Variants in MYO5C observed in about 807,000 individuals in gnomAD.
MYO5C encodes the protein myosin VC.
Under a neutral mutation model 235.7 loss-of-function variants are expected in MYO5C, and 194 were observed. That is an observed-to-expected ratio of 0.82 (90% CI 0.73 to 0.93). The LOEUF is 0.93. MYO5C is among the 40% of genes least tolerant of loss of function. The pLI, the probability that MYO5C is intolerant of heterozygous loss-of-function variation, is 0.00. For synonymous variants in MYO5C, 707 were observed against 754.8 expected, an observed-to-expected ratio of 0.94 and a Z score of 1.04; for missense variants, 2,038 against 2,127.2, an observed-to-expected ratio of 0.96 and a Z score of 0.82.
intron 38 of MYO5C, among the ~76,000 whole-genome samples, chr15:52,197,160 C>G (rs1170835592): frequency 6.6e-6 from 1 of 152,220 alleles, no homozygotes; most frequent in African/African-American, 2.4e-5. Context: ...GAAGTGAAAG[C>G]ATGTCCAAAC....
chr15:52,277,738 G>A (rs2037082834), intron 4 of MYO5C: 3 of 416,964 alleles, frequency 7.2e-6, no homozygotes, highest in African/African-American at 2.0e-5. Flanking sequence ...CCCACCCCAG[G>A]GACAGGGAGC....
In MYO5C at chr15:52,256,621, G is replaced by A. The variant is rs566620520; in HGVS notation, c.1395+18C>T. 21 of 1,551,946 alleles carry A rather than the reference G, an allele frequency of 1.4e-5. No homozygotes were observed. The highest frequency in any genetic ancestry group is 5.2e-5 in the Admixed American group (3 of 58,170). ...CGCGCGGCTGAGAACTAGTCAAGAA[G>A]GCAGAAAGGTCACCTACCATGTTAA... On this transcript the variant is annotated intron_variant, in intron 11 of 40. Coordinates refer to ENST00000261839, the MANE Select transcript of MYO5C (RefSeq NM_018728.4).
intron 37 of MYO5C, 30 bp downstream of exon 37, chr15:52,205,786 A>G: frequency 7.3e-7 from 1 of 1,374,020 alleles, no homozygotes; most frequent in Non-Finnish European, 1.0e-6. Context: ...GTTACTATAA[A>G]TATTTTTTGG....
chr15:52,202,887 A>G (rs2035220021), intron 38 of MYO5C, among the ~76,000 whole-genome samples: 1 of 151,522 alleles, frequency 6.6e-6, no homozygotes, highest in Admixed American at 6.6e-5. Flanking sequence ...CTGGGTACAT[A>G]GTAGGTATAT....
chr15:52,214,740 A>ATTTTT (rs34638854), intron 32 of MYO5C, 50 bp from the exon 33 acceptor site: 30 of 982,152 alleles, frequency 3.1e-5, no homozygotes, highest in South Asian at 1.3e-4. Context: ...ACTTTAATCT[A>ATTTTT]TTTTTTTTTT....
At chr15:52,225,333 A>G in intron 26 of MYO5C, 106 bp downstream of exon 26, 2 of 1,132,930 alleles carry the variant, frequency 1.8e-6, no homozygotes, top group Non-Finnish European at 2.7e-6. Flanking sequence ...GCAATCTACC[A>G]TATGTCCAAC....
chr15:52,289,744 G>A (rs917106076), intron 1 of MYO5C, among the ~76,000 whole-genome samples: 13 of 152,124 alleles, frequency 8.5e-5, no homozygotes, highest in Non-Finnish European at 1.5e-4. Flanking sequence ...GGTGGGGCCC[G>A]GCAAGAGAAA....
chr15:52,249,427 T>C (rs969258686), intron 13 of MYO5C, among the ~76,000 whole-genome samples: 1 of 152,168 alleles, frequency 6.6e-6, no homozygotes, highest in African/African-American at 2.4e-5. Flanking sequence ...GGATTGCATA[T>C]CTTAATATGT....
chr15:52,285,687 T>G (rs186275767), intron 1 of MYO5C, among the ~76,000 whole-genome samples: 5 of 152,338 alleles, frequency 3.3e-5, no homozygotes, highest in Admixed American at 3.3e-4. Context: ...GCCGGGCTGG[T>G]CTCCAGCTCC....
rs772709783 is a variant in MYO5C at position 52,218,529 on chromosome 15, A to G, written c.3944T>C (p.Leu1315Ser). The G allele has an allele frequency of 1.2e-6, 2 of 1,614,190 alleles. No homozygotes were observed. Among genetic ancestry groups the G allele is most frequent in the South Asian group, 2.2e-5 (2 of 91,078 alleles). ...TAGAAGACTTCTCACCCTGTTTTCC[A>G]AAGTGAGCCGGGATGCTTCCTGCCG... ...NFRQEASRLT[L>S]ENRDLEEELD... Residue 1315 changes from leucine (L) to serine (S), a missense_variant, in exon 32 of 41, where the codon TTG becomes TCG. Leu to Ser is a moderately radical substitution (Grantham distance 145, BLOSUM62 -2). Coordinates refer to ENST00000261839, the MANE Select transcript of MYO5C (RefSeq NM_018728.4).
At chr15:52,227,424 C>G (rs1253800424) in intron 25 of MYO5C, among the ~76,000 whole-genome samples, 1 of 150,878 alleles carries the variant, frequency 6.6e-6, no homozygotes, top group Non-Finnish European at 1.5e-5. Flanking sequence ...GTCTTGATCT[C>G]CTGACCTCGT....
At chr15:52,229,655 A>G (rs2035907317) in intron 24 of MYO5C, among the ~76,000 whole-genome samples, 1 of 152,220 alleles carries the variant, frequency 6.6e-6, no homozygotes, top group Admixed American at 6.5e-5. Context: ...AAAATAATTT[A>G]GAATTGTCTC....
intron 32 of MYO5C, among the ~76,000 whole-genome samples, chr15:52,216,377 T>C (rs2035552626): frequency 6.6e-6 from 1 of 152,054 alleles, no homozygotes; most frequent in Admixed American, 6.5e-5. Flanking sequence ...ACTATATATA[T>C]ATTTTTAAAG....
chr15:52,254,858 T>G (rs891539942), intron 11 of MYO5C, among the ~76,000 whole-genome samples: 9 of 152,240 alleles, frequency 5.9e-5, no homozygotes, highest in African/African-American at 1.9e-4. Context: ...ACAGAGAGTT[T>G]GACTTCAGGT....
In MYO5C at chr15:52,245,300, G is replaced by C; in HGVS notation, c.2178+54C>G. 7.0e-6 allele frequency: 8 copies of C among 1,145,976 alleles called. 1 individual carries two copies. The South Asian group carries it at 9.8e-5, about 14-fold the overall frequency. The allele number at this position is 1,145,976 out of a possible 1,614,324, so 71.0% of individuals were successfully genotyped here. ...AAGACAAAGATGAAACAGCATGTTT[G>C]GGAGATGTGCTTCCAGGAAGGAGAC... On this transcript the variant is annotated intron_variant, in intron 18 of 40. Coordinates refer to ENST00000261839, the MANE Select transcript of MYO5C (RefSeq NM_018728.4).
At chr15:52,204,696 G>C (rs2035260629) in intron 38 of MYO5C, among the ~76,000 whole-genome samples, 169 bp downstream of exon 38, 1 of 152,058 alleles carries the variant, frequency 6.6e-6, no homozygotes, top group South Asian at 2.1e-4. Flanking sequence ...AGTAGGCCCT[G>C]GGCGCCAGCA....
chr15:52,245,735 C>T (rs761736036), intron 17 of MYO5C, among the ~76,000 whole-genome samples: 1 of 152,184 alleles, frequency 6.6e-6, no homozygotes, highest in Non-Finnish European at 1.5e-5. Context: ...CACCAGCAGC[C>T]GAGATGCAGT....
chr15:52,219,852 G>C (rs186611026), intron 30 of MYO5C, 30 bp from the exon 31 acceptor site: 95 of 1,546,018 alleles, frequency 6.1e-5, no homozygotes, highest in East Asian at 1.8e-4. Flanking sequence ...CAGTACTTTG[G>C]GGGGGCACAT....
intron 13 of MYO5C, among the ~76,000 whole-genome samples, chr15:52,250,188 G>T (rs899881338): frequency 6.6e-6 from 1 of 151,382 alleles, no homozygotes; most frequent in Non-Finnish European, 1.5e-5. Flanking sequence ...ATCTTTTCAG[G>T]AGCCCATCTG....
Sources: gnomAD v4.1 joint callset for allele counts (sites outside exome capture counted in the v4.1 genomes callset) on GRCh38, gnomAD v4.1.1 for gene constraint, MANE v1.5 for transcripts, NCBI Gene and HGNC (gene_info 2026-07-23, HGNC 2026-07-21) for gene names.